OSBPL6: variants seen among roughly 807,000 people sequenced by gnomAD.
OSBPL6 encodes oxysterol binding protein like 6, also known as oxysterol-binding protein-related protein 6.
In OSBPL6, 49 loss-of-function variants were observed where a neutral mutation model predicts 125.8. The observed-to-expected ratio is 0.39, with a 90% confidence interval of 0.31 to 0.49. The LOEUF is 0.49. Among genes scored for constraint, OSBPL6 ranks in the 20% least tolerant of loss-of-function variants. OSBPL6 has a pLI of 0.88. For synonymous variants in OSBPL6, 394 were observed against 391.8 expected (o/e 1.01, Z -0.07); for missense variants, 986 against 1,135.4 (o/e 0.87, Z 1.89).
intron 3 of OSBPL6, chr2:178,320,134 C>T (rs1688108890): frequency 2.3e-6 from 2 of 866,386 alleles, no homozygotes; most frequent in East Asian, 6.0e-5. Context: ...TCACGTTTCT[C>T]TCCGCGTGAG....
Position 178,387,134 on chromosome 2 carries a change from T to A in OSBPL6, c.2151T>A (p.Leu717=). 1 of 1,609,202 alleles carries A rather than the reference T, an allele frequency of 6.2e-7. No individual in the cohort carries two copies. Among genetic ancestry groups the A allele is most frequent in the Non-Finnish European group, 8.5e-7 (1 of 1,175,990 alleles). ...ILPVGTLNVM[L]PKYGDYYVWN... ...CTGTTGGAACACTGAATGTCATGCTTCCAAAGTAGGTGACTCACACCTCCC... is the reference window on the plus strand; with the variant it reads ...CTGTTGGAACACTGAATGTCATGCTACCAAAGTAGGTGACTCACACCTCCC... Residue 717 remains leucine, a synonymous_variant, in exon 20 of 25, where the codon CTT becomes CTA. Transcript: ENST00000190611.
chr2:178,305,599 T>A (rs972493930), intron 2 of OSBPL6, among the ~76,000 whole-genome samples: 1 of 152,260 alleles, frequency 6.6e-6, no homozygotes, highest in Non-Finnish European at 1.5e-5. Context: ...CTTTTGTAAC[T>A]GACTACTTTG....
chr2:178,376,904 C>T (rs916235417), intron 15 of OSBPL6, among the ~76,000 whole-genome samples: 9 of 152,184 alleles, frequency 5.9e-5, no homozygotes, highest in African/African-American at 1.4e-4. Flanking sequence ...CATAAAATAA[C>T]TGTTTTTACT....
At chr2:178,370,449 C>T (rs568529917) in intron 13 of OSBPL6, among the ~76,000 whole-genome samples, 1 of 152,224 alleles carries the variant, frequency 6.6e-6, no homozygotes, top group South Asian at 2.1e-4. Flanking sequence ...TTTTGTGGTC[C>T]TAACTTATAG....
At chr2:178,226,015 G>T (rs1051101638) in intron 1 of OSBPL6, among the ~76,000 whole-genome samples, 3 of 152,170 alleles carry the variant, frequency 2.0e-5, no homozygotes, top group African/African-American at 7.2e-5. Flanking sequence ...ACCCCCAAAG[G>T]AAGGCAAAGC....
chr2:178,213,642 T>C (rs1284155373), intron 1 of OSBPL6, among the ~76,000 whole-genome samples: 2 of 152,240 alleles, frequency 1.3e-5, no homozygotes, highest in Admixed American at 6.5e-5. Context: ...AGTCTGATCA[T>C]GTCACTATGT....
chr2:178,313,850 GTA>G (rs1687510068), intron 3 of OSBPL6, among the ~76,000 whole-genome samples: 1 of 152,192 alleles, frequency 6.6e-6, no homozygotes, highest in Non-Finnish European at 1.5e-5. Context: ...ATGTGCTGGT[GTA>G]ACCATGGGAT....
chr2:178,392,374 C>T (rs753797242), intron 22 of OSBPL6, 38 bp from the exon 23 acceptor site: 5 of 1,609,884 alleles, frequency 3.1e-6, no homozygotes, highest in Middle Eastern at 1.6e-4. Flanking sequence ...TTCCATAAAC[C>T]TTCTGCCTCT....
chr2:178,351,894 G>T (rs1050424801), intron 12 of OSBPL6, among the ~76,000 whole-genome samples: 1 of 152,140 alleles, frequency 6.6e-6, no homozygotes, highest in Non-Finnish European at 1.5e-5. Context: ...TGGGTACTGG[G>T]CTTAATACCT....
At chr2:178,258,363 T>C (rs1255167766) in intron 1 of OSBPL6, among the ~76,000 whole-genome samples, 1 of 152,084 alleles carries the variant, frequency 6.6e-6, no homozygotes, top group Non-Finnish European at 1.5e-5. Context: ...CCCAGAGTGC[T>C]GAGATTTACA....
At chr2:178,231,185 G>T (rs112453952) in intron 1 of OSBPL6, among the ~76,000 whole-genome samples, 2 of 152,120 alleles carry the variant, frequency 1.3e-5, no homozygotes, top group Non-Finnish European at 1.5e-5. Flanking sequence ...CTTGAGCAGC[G>T]GTGTCTGATT....
rs1696065896 is a variant in OSBPL6, at chr2:178,400,308, A to T, written c.*4749A>T. On this transcript the variant is annotated 3_prime_UTR_variant, in exon 25 of 25. Transcript: ENST00000190611. ...ACTTTTTTTTTTTTTTTTGAGACAG[A>T]GTCTTGAGTGCTCTGTCACCCAGGC... 6.9e-6 allele frequency: 1 copy of T among 144,038 alleles called. No homozygotes were observed. The highest frequency in any genetic ancestry group is 2.6e-5 in the African/African-American group (1 of 38,200). 8.9% of individuals were successfully genotyped at this position (144,038 alleles called of 1,614,324 possible).
intron 13 of OSBPL6, among the ~76,000 whole-genome samples, chr2:178,364,030 C>G (rs1692590809): frequency 6.6e-6 from 1 of 152,172 alleles, no homozygotes; most frequent in Non-Finnish European, 1.5e-5. Context: ...GTGTGGACTC[C>G]CTTTTGGAAA....
At chr2:178,230,430 T>C (rs1168655185) in intron 1 of OSBPL6, 1 of 152,256 alleles carries the variant, frequency 6.6e-6, no homozygotes, top group Non-Finnish European at 1.5e-5. Flanking sequence ...TCATAGTCTC[T>C]GATCTTCACT....
At chr2:178,318,629 G>T (rs1203565748) in intron 3 of OSBPL6, among the ~76,000 whole-genome samples, 1 of 152,180 alleles carries the variant, frequency 6.6e-6, no homozygotes, top group Non-Finnish European at 1.5e-5. Context: ...CATCACTGCT[G>T]TTGCCTTCCC....
chr2:178,368,701 A>T (rs1328054637), intron 13 of OSBPL6, among the ~76,000 whole-genome samples: 1 of 152,186 alleles, frequency 6.6e-6, no homozygotes, highest in African/African-American at 2.4e-5. Flanking sequence ...ATTAAAAAAA[A>T]AATAGTTTTG....
intron 1 of OSBPL6, among the ~76,000 whole-genome samples, chr2:178,247,128 A>C (rs1295488627): frequency 6.6e-6 from 1 of 151,648 alleles, no homozygotes; most frequent in Non-Finnish European, 1.5e-5. Context: ...TTCCTTATTA[A>C]ATTTCAACTG....
chr2:178,223,902 G>A (rs940045305), intron 1 of OSBPL6, among the ~76,000 whole-genome samples: 1 of 152,180 alleles, frequency 6.6e-6, no homozygotes, highest in Non-Finnish European at 1.5e-5. Flanking sequence ...GCCTTTAACT[G>A]TCACAGGGTT....
chr2:178,263,744 T>C (rs2154019431), intron 1 of OSBPL6, among the ~76,000 whole-genome samples: 1 of 152,056 alleles, frequency 6.6e-6, no homozygotes, highest in East Asian at 1.9e-4. Context: ...GGCTCCTGCT[T>C]GCAAAACGTC....
Sources: allele counts gnomAD v4.1 joint callset (sites outside exome capture counted in the v4.1 genomes callset), GRCh38; gene constraint gnomAD v4.1.1; transcripts MANE v1.5; gene names NCBI Gene and HGNC (gene_info 2026-07-23, HGNC 2026-07-21).